The following PPARGC1B variants were observed in gnomAD, a reference collection of about 807,000 sequenced individuals.
PPARGC1B encodes PPARG coactivator 1 beta.
PPARGC1B carries 34 observed loss-of-function variants against 101.6 expected under a neutral mutation model. That is an observed-to-expected ratio of 0.33 (90% confidence interval 0.25 to 0.45). PPARGC1B has a LOEUF of 0.45. Among genes scored for constraint, PPARGC1B ranks in the 20% least tolerant of loss-of-function variants. The pLI is 1.00. For missense variants in PPARGC1B, 1,234 were observed against 1,317.6 expected (o/e 0.94, Z 0.98); for synonymous variants, 548 against 539.3 (o/e 1.02, Z -0.22).
chr5:149,735,760 G>T (rs920711722), intron 1 of PPARGC1B, among the ~76,000 whole-genome samples: 14 of 152,150 alleles, frequency 9.2e-5, no homozygotes, highest in Non-Finnish European at 1.9e-4. Context: ...TGAAGACAGG[G>T]GCTACTCTCA....
At chr5:149,841,029 CAA>C (rs1483726846) in intron 9 of PPARGC1B, among the ~76,000 whole-genome samples, 1 of 152,106 alleles carries the variant, frequency 6.6e-6, no homozygotes, top group African/African-American at 2.4e-5. Flanking sequence ...CAGCAATGAA[CAA>C]GAGGGATGAG....
Position 149,850,051 on chromosome 5 carries a change from A to C in PPARGC1B, c.*2493A>C, listed in dbSNP as rs531007602. 1 of 152,366 alleles carries C rather than the reference A, an allele frequency of 6.6e-6. No homozygotes were observed. Among genetic ancestry groups the C allele is most frequent in the Non-Finnish European group, 1.5e-5 (1 of 68,034 alleles). The allele number at this position is 152,366 out of a possible 1,614,324, so 9.4% of individuals were successfully genotyped here. A position where few individuals can be genotyped will look rare whatever the true frequency, so the allele number is the denominator to read the frequency against. On this transcript the variant is annotated 3_prime_UTR_variant, in exon 12 of 12. Coordinates refer to ENST00000309241, the MANE Select transcript of PPARGC1B (RefSeq NM_133263.4). ...GGAGAGAACTGAGATAGGAAAGAAC[A>C]CTAGATTCCAAGTCTGGAGAGTTGG...
At chr5:149,746,429 G>A (rs1221926915) in intron 1 of PPARGC1B, among the ~76,000 whole-genome samples, 1 of 152,160 alleles carries the variant, frequency 6.6e-6, no homozygotes, top group Non-Finnish European at 1.5e-5. Context: ...GCAAATGTCA[G>A]GATTTCCTTC....
intron 11 of PPARGC1B, 42 bp from the exon 12 acceptor site, chr5:149,847,416 A>C (rs945380861): frequency 6.2e-6 from 9 of 1,452,052 alleles, no homozygotes; most frequent in Non-Finnish European, 8.7e-6. Context: ...TAAGTTGCTC[A>C]CTGCCTTCCC....
At chr5:149,753,241 C>T (rs142819756) in intron 1 of PPARGC1B, among the ~76,000 whole-genome samples, 17 of 152,178 alleles carry the variant, frequency 1.1e-4, no homozygotes, top group Non-Finnish European at 2.4e-4. Context: ...GAGTCTCGCT[C>T]TGTTGCCCAG....
At chr5:149,787,578 TGGTAGTCACAAAAGTAAG>T (rs1482644285) in intron 1 of PPARGC1B, among the ~76,000 whole-genome samples, 1 of 152,232 alleles carries the variant, frequency 6.6e-6, no homozygotes, top group Non-Finnish European at 1.5e-5. Context: ...TGATACAATT[TGGTAGTCACAAAAGTAAG>T]GTTGTGGGGC....
intron 1 of PPARGC1B, among the ~76,000 whole-genome samples, chr5:149,806,914 TA>T (rs144856818): frequency 0.086 from 13,027 of 151,472 alleles, 697 homozygotes; most frequent in Middle Eastern, 0.22. Flanking sequence ...GCCAACTTTT[TA>T]AAAAAAATTG....
intron 1 of PPARGC1B, among the ~76,000 whole-genome samples, chr5:149,758,143 G>A (rs1755603421): frequency 6.6e-6 from 1 of 152,262 alleles, no homozygotes; most frequent in African/African-American, 2.4e-5. Context: ...TGAGGGCACA[G>A]CTCATGGTGG....
At chr5:149,855,096 A>C (rs894867244), downstream of PPARGC1B, 1 of 152,186 alleles carries the variant, frequency 6.6e-6, no homozygotes, top group Non-Finnish European at 1.5e-5. Context: ...TAAATGGGGA[A>C]GAGATTTCAG....
At chr5:149,761,551 A>G (rs1352839646) in intron 1 of PPARGC1B, 2 of 152,180 alleles carry the variant, frequency 1.3e-5, no homozygotes, top group Non-Finnish European at 1.5e-5. Flanking sequence ...ATTATTTACA[A>G]CAGCCAAGAT....
intron 1 of PPARGC1B, among the ~76,000 whole-genome samples, chr5:149,756,169 T>C (rs949123997): frequency 2.6e-5 from 4 of 152,130 alleles, no homozygotes; most frequent in African/African-American, 9.7e-5. Context: ...ATATGCTATT[T>C]AAAAATTCTT....
chr5:149,799,607 A>C (rs1757354211), intron 1 of PPARGC1B, among the ~76,000 whole-genome samples: 1 of 151,746 alleles, frequency 6.6e-6, no homozygotes. Flanking sequence ...AGACTGGAGG[A>C]AGGAGAAGCT....
At position 149,730,348 on chromosome 5, in the gene PPARGC1B, G is replaced by T; in HGVS notation, c.6G>T (p.Ala2=). 1.3e-6 allele frequency: 2 copies of T among 1,562,662 alleles called. No individual in the cohort carries two copies. Among genetic ancestry groups the T allele is most frequent in the East Asian group, 2.5e-5 (1 of 40,216 alleles). The change falls in exon 1 of 12, where the codon GCG becomes GCT. Residue 2 remains alanine (A), a synonymous_variant. Transcript: ENST00000309241. The surrounding 1 kb of genome is among the most constrained non-coding windows in gnomAD (Gnocchi z 4.0). ...GCTGCAGCCGCGGCTGGAAGATGGCGGGGAACGACTGCGGCGCGCTGCTGG... is the reference window on the plus strand; with the variant it reads ...GCTGCAGCCGCGGCTGGAAGATGGCTGGGAACGACTGCGGCGCGCTGCTGG... M[A]GNDCGALLDE...
chr5:149,844,387 C>T (rs1394793007), intron 10 of PPARGC1B, among the ~76,000 whole-genome samples: 3 of 152,350 alleles, frequency 2.0e-5, no homozygotes, highest in South Asian at 2.1e-4. Context: ...TGGTGGCTCA[C>T]GCCTGTAATC....
intron 9 of PPARGC1B, among the ~76,000 whole-genome samples, chr5:149,841,860 G>C (rs1759351754): frequency 1.3e-5 from 2 of 151,994 alleles, no homozygotes; most frequent in Admixed American, 1.3e-4. Context: ...CTTCCTTCCA[G>C]CCCACTCTCA....
Position 149,853,547 on chromosome 5 carries a change from C to A in PPARGC1B, c.*5989C>A, listed in dbSNP as rs7712296. ...AAACCTTTGCTGGGTGGTCCGAATTCTGCCCTCAAGGCAAGATAAGAAGTT... is the reference window on the plus strand; with the variant it reads ...AAACCTTTGCTGGGTGGTCCGAATTATGCCCTCAAGGCAAGATAAGAAGTT... On this transcript the variant is annotated 3_prime_UTR_variant, in exon 12 of 12. Transcript: ENST00000309241. This position sits in a 1 kb window ranked among gnomAD's most constrained non-coding sequence, Gnocchi z 4.2. The A allele has an allele frequency of 0.089, 13,612 of 152,302 alleles. 725 individuals are homozygous for A. The highest frequency in any genetic ancestry group is 0.16 in the Admixed American group (2,487 of 15,298). 9.4% of individuals were successfully genotyped at this position (152,302 alleles called of 1,614,324 possible).
At position 149,771,976 on chromosome 5, in the gene PPARGC1B, G is replaced by C. The variant is rs529053861; in HGVS notation, c.78+41556G>C. On this transcript the variant is annotated intron_variant, in intron 1 of 11. Coordinates refer to ENST00000309241, the MANE Select transcript of PPARGC1B (RefSeq NM_133263.4). ...TTAATCCTCAAGCAACTCTGAATTA[G>C]TTGCTGTTATCCCAGACTTACAGGC... 531 of 1,399,052 alleles carry C rather than the reference G, an allele frequency of 3.8e-4. 2 individuals carry two copies. In the African/African-American group the frequency reaches 6.0e-3, roughly 16 times the overall value. The allele number at this position is 1,399,052 out of a possible 1,614,324, so 86.7% of individuals were successfully genotyped here.
At chr5:149,779,084 A>G (rs1422041000) in intron 1 of PPARGC1B, among the ~76,000 whole-genome samples, 1 of 152,154 alleles carries the variant, frequency 6.6e-6, no homozygotes, top group Non-Finnish European at 1.5e-5. Context: ...GACAAAGTCC[A>G]GACTCCTCGG....
chr5:149,849,935 A>G lies in PPARGC1B; in HGVS notation c.*2377A>G, dbSNP rs143178924. The G allele has an allele frequency of 1.1e-4, 16 of 152,356 alleles. 1 individual carries two copies. Among genetic ancestry groups the G allele is most frequent in the Non-Finnish European group, 2.2e-4 (15 of 68,038 alleles). The allele number at this position is 152,356 out of a possible 1,614,324, so 9.4% of individuals were successfully genotyped here. On this transcript the variant is annotated 3_prime_UTR_variant, in exon 12 of 12. Transcript: ENST00000309241. ...CCTCTTTAGCTATTCACTGCCTAGC[A>G]CATAGTAGGCACACAATAAATGATT...
Sources: gnomAD v4.1 joint callset for allele counts (sites outside exome capture counted in the v4.1 genomes callset) on GRCh38, gnomAD v4.1.1 for gene constraint, Gnocchi (gnomAD v3.1) non-coding constraint, MANE v1.5 for transcripts, NCBI Gene and HGNC (gene_info 2026-07-23, HGNC 2026-07-21) for gene names.